The following DAAM2 variants were observed in gnomAD, a reference collection of about 807,000 sequenced individuals.
DAAM2 encodes the protein disheveled-associated activator of morphogenesis 2.
A neutral mutation model predicts 120.7 loss-of-function variants in DAAM2; 39 were observed. That is an observed-to-expected ratio of 0.32 (90% CI 0.25 to 0.42). DAAM2 has a LOEUF of 0.42. Ranked by LOEUF, DAAM2 falls within the 10% of genes least tolerant of loss-of-function variation. The pLI is 1.00. For synonymous variants in DAAM2, 488 were observed against 524.9 expected (o/e 0.93, Z 0.96); for missense variants, 1,283 against 1,401.7 (o/e 0.92, Z 1.35).
At chr6:39,861,418 ACT>A (rs1663749034) in intron 3 of DAAM2, 2 of 348,214 alleles carry the variant, frequency 5.7e-6, no homozygotes, top group Admixed American at 7.6e-5. Flanking sequence ...TTTAGTCTCC[ACT>A]CTGTCCCAGG....
At chr6:39,824,684 G>A (rs913578268) in intron 1 of DAAM2, among the ~76,000 whole-genome samples, 1 of 152,164 alleles carries the variant, frequency 6.6e-6, no homozygotes, top group Non-Finnish European at 1.5e-5. Flanking sequence ...CTGCAGGCAG[G>A]ACAAGCTGAG....
In DAAM2 at chr6:39,879,299, C is replaced by CCCCCCCCCCCCCT; in HGVS notation, c.1667_1668insCCCCCCCCCCCCT (p.Leu560ProfsTer35). On this transcript the variant is annotated frameshift_variant, in exon 14 of 25. Transcript: ENST00000274867. LOFTEE classifies it high-confidence loss of function. ...CCCTTTGCCTGTTGTCCCCCTCCCC[C>CCCCCCCCCCCCCT]ACCACCACCCCTTCCTCCCGGGGGA... 5 of 1,495,690 alleles carry CCCCCCCCCCCCCT rather than the reference C, an allele frequency of 3.3e-6. No homozygotes were observed. The highest frequency in any genetic ancestry group is 1.9e-5 in the Admixed American group (1 of 53,432). 92.7% of individuals were successfully genotyped at this position (1,495,690 alleles called of 1,614,324 possible). A position where few individuals can be genotyped will look rare whatever the true frequency, so the allele number is the denominator to read the frequency against.
rs773987078 is a variant in DAAM2, at chr6:39,883,971, C to T, written c.1855C>T (p.Pro619Ser). ...NWVKLNEERVPGTVWNEIDDM... is the reference protein window; with the variant it reads ...NWVKLNEERVSGTVWNEIDDM... ...CTACCCTGAATTTTAGGAGCGTGTC[C>T]CTGGCACCGTATGGAATGAGATTGA... Residue 619 changes from proline (P) to serine (S), a missense_variant, in exon 15 of 25, where the codon CCT becomes TCT. By Grantham distance (74) the Pro-to-Ser change is moderately conservative. This residue lies in a region of DAAM2 where 748 missense variants were observed against 768.6 expected (regional missense o/e 0.97). Transcript: ENST00000274867. The T allele has an allele frequency of 2.5e-6, 4 of 1,612,060 alleles. No homozygotes were observed. The South Asian group carries it at 4.4e-5, about 18-fold the overall frequency.
chr6:39,794,849 C>G (rs1224578682), intron 1 of DAAM2, among the ~76,000 whole-genome samples: 1 of 152,130 alleles, frequency 6.6e-6, no homozygotes, highest in African/African-American at 2.4e-5. Flanking sequence ...TTTAAATGTT[C>G]TCATTCATTT....
At position 39,901,757 on chromosome 6, in the gene DAAM2, C is replaced by T; in HGVS notation, c.2983-56C>T. The T allele has an allele frequency of 2.1e-6, 3 of 1,441,098 alleles. No individual in the cohort carries two copies. The highest frequency in any genetic ancestry group is 2.7e-6 in the Non-Finnish European group (3 of 1,091,346). The allele number at this position is 1,441,098 out of a possible 1,614,324, so 89.3% of individuals were successfully genotyped here. A position where few individuals can be genotyped will look rare whatever the true frequency, so the allele number is the denominator to read the frequency against. Reference sequence around the variant, plus strand: ...AGTTAGCCCAGGGTTGGGGGGCTGCCCTGGCCTCAGCGCCTCTCCCTGAGA... The same window carrying T: ...AGTTAGCCCAGGGTTGGGGGGCTGCTCTGGCCTCAGCGCCTCTCCCTGAGA... On this transcript the variant is annotated intron_variant, in intron 24 of 24. Coordinates refer to ENST00000274867, the MANE Select transcript of DAAM2 (RefSeq NM_001201427.2). This position sits in a 1 kb window ranked among gnomAD's most constrained non-coding sequence, Gnocchi z 4.5.
intron 11 of DAAM2, among the ~76,000 whole-genome samples, chr6:39,876,717 G>GTA (rs1764883460): frequency 9.3e-6 from 1 of 107,306 alleles, no homozygotes; most frequent in East Asian, 4.0e-4. Context: ...GTGTGTGTGT[G>GTA]TGTGTGTGTG....
chr6:39,886,610 A>T (rs1765391223), intron 15 of DAAM2: 3 of 396,256 alleles, frequency 7.6e-6, no homozygotes, highest in Non-Finnish European at 1.3e-5. Context: ...GAAAGAAGAA[A>T]TGTAGCAGAG....
intron 1 of DAAM2, among the ~76,000 whole-genome samples, chr6:39,811,364 C>T (rs1370898705): frequency 6.6e-6 from 1 of 152,048 alleles, no homozygotes; most frequent in Non-Finnish European, 1.5e-5. Context: ...GTTGTTAAAC[C>T]CTTATTGTTG....
At chr6:39,840,997 G>A (rs565965110) in intron 1 of DAAM2, among the ~76,000 whole-genome samples, 37 of 142,534 alleles carry the variant, frequency 2.6e-4, no homozygotes, top group Non-Finnish European at 5.3e-4. Flanking sequence ...GAGGGGATCT[G>A]GGGGGTAGGG....
intron 5 of DAAM2, among the ~76,000 whole-genome samples, 182 bp downstream of exon 5, chr6:39,865,256 G>A (rs1027388467): frequency 4.6e-5 from 7 of 152,210 alleles, no homozygotes; most frequent in Admixed American, 3.3e-4. Flanking sequence ...TGGGAGGAGG[G>A]GAGAGAAACC....
intron 19 of DAAM2, among the ~76,000 whole-genome samples, chr6:39,892,592 A>T (rs543978476): frequency 6.6e-6 from 1 of 152,244 alleles, no homozygotes; most frequent in East Asian, 1.9e-4. Flanking sequence ...GGCAATAAGC[A>T]GGAGAGGCTG....
In DAAM2 at chr6:39,867,806, A is replaced by G; in HGVS notation, c.725A>G (p.His242Arg). 1.2e-6 allele frequency: 2 copies of G among 1,610,396 alleles called. No individual in the cohort carries two copies. Among genetic ancestry groups the G allele is most frequent in the African/African-American group, 1.3e-5 (1 of 75,002 alleles). The change falls in exon 6 of 25, where the codon CAC becomes CGC. Residue 242 changes from histidine to arginine, a missense_variant. His to Arg is a conservative substitution (Grantham distance 29). This residue lies in a region of DAAM2 where 338 missense variants were observed against 443.9 expected (regional missense o/e 0.76). Coordinates refer to ENST00000274867, the MANE Select transcript of DAAM2 (RefSeq NM_001201427.2). ...GHKKVLQAML[H>R]YQVYAAERTR... Reference sequence around the variant, plus strand: ...AAGAAGGTGCTGCAGGCCATGCTGCACTACCAGGTGTATGCAGCAGAGCGA... The same window carrying G: ...AAGAAGGTGCTGCAGGCCATGCTGCGCTACCAGGTGTATGCAGCAGAGCGA...
intron 1 of DAAM2, 199 bp from the exon 2 acceptor site, chr6:39,856,048 A>G: frequency 2.0e-6 from 2 of 985,094 alleles, no homozygotes; most frequent in Non-Finnish European, 1.2e-6. Flanking sequence ...AGGATATGTA[A>G]ATGCCTCCAG....
chr6:39,887,330 C>T lies in DAAM2; in HGVS notation c.1954-156C>T, dbSNP rs184312167. 7 of 580,090 alleles carry T rather than the reference C, an allele frequency of 1.2e-5. No homozygotes were observed. The East Asian group carries it at 2.1e-4, about 17-fold the overall frequency. The allele number at this position is 580,090 out of a possible 1,614,324, so 35.9% of individuals were successfully genotyped here. A position where few individuals can be genotyped will look rare whatever the true frequency, so the allele number is the denominator to read the frequency against. The stretch of plus-strand genomic sequence containing the variant: ...CCCAGATACCGTCTCTTAAAGTTAG[C>T]TATTATCCACCCTCCTCTCTCTCCT... On this transcript the variant is annotated intron_variant, in intron 15 of 24. Transcript: ENST00000274867.
chr6:39,838,395 T>C (rs1763190290), intron 1 of DAAM2, among the ~76,000 whole-genome samples: 1 of 152,242 alleles, frequency 6.6e-6, no homozygotes, highest in East Asian at 1.9e-4. Flanking sequence ...ATGCTGATGC[T>C]GCTGGCCCAG....
chr6:39,822,763 G>A (rs1183433035), intron 1 of DAAM2: 1 of 152,208 alleles, frequency 6.6e-6, no homozygotes, highest in African/African-American at 2.4e-5. Flanking sequence ...ATTCATTTGT[G>A]TGTTCAACAA....
chr6:39,804,216 C>T (rs185877391), intron 1 of DAAM2, among the ~76,000 whole-genome samples: 23 of 152,236 alleles, frequency 1.5e-4, no homozygotes, highest in Admixed American at 1.2e-3. Context: ...GGCGCTCTGA[C>T]GAGGTGAGCT....
chr6:39,862,381 G>A (rs1179783163), intron 3 of DAAM2: 1 of 152,168 alleles, frequency 6.6e-6, no homozygotes, highest in Non-Finnish European at 1.5e-5. Flanking sequence ...ATCATGGAAA[G>A]AAGGAAGGAA....
chr6:39,800,164 C>T lies in DAAM2; in HGVS notation c.-57+7699C>T, dbSNP rs372963483. Among the ~76,000 whole-genome samples, 99 of 152,296 alleles carry T rather than the reference C, an allele frequency of 6.5e-4. No individual in the cohort carries two copies. In the South Asian group the frequency reaches 0.016, roughly 24 times the overall value. ...TAAGTGTGGTTTCTTTCTGGATGAT[C>T]ACTAGATTGGGTCTCTGAGCTGCCA... is the stretch of plus-strand genomic sequence containing the variant. On this transcript the variant is annotated intron_variant, in intron 1 of 24. Transcript: ENST00000274867.
Sources: allele counts gnomAD v4.1 joint callset (sites outside exome capture counted in the v4.1 genomes callset), GRCh38; gene constraint gnomAD v4.1.1; regional missense constraint gnomAD v4.1.1; non-coding constraint Gnocchi (gnomAD v3.1); transcripts MANE v1.5; gene names NCBI Gene and HGNC (gene_info 2026-07-23, HGNC 2026-07-21).